Variants in SLC1A1 observed in about 807,000 individuals in gnomAD.
SLC1A1 encodes the protein solute carrier family 1 member 1.
A neutral mutation model predicts 53.3 loss-of-function variants in SLC1A1; 43 were observed. That is an observed-to-expected ratio of 0.81 (90% CI 0.63 to 1.04). The LOEUF (loss-of-function observed/expected upper bound fraction) is 1.04. SLC1A1 is among the 50% of genes least tolerant of loss of function. The pLI is 0.00. For synonymous variants in SLC1A1, 307 were observed against 243.2 expected, an observed-to-expected ratio of 1.26 and a Z score of -2.44; for missense variants, 748 against 664.9, an observed-to-expected ratio of 1.12 and a Z score of -1.37.
At chr9:4,520,265 G>C (rs187138272) in intron 1 of SLC1A1, among the ~76,000 whole-genome samples, 1 of 152,206 alleles carries the variant, frequency 6.6e-6, no homozygotes, top group African/African-American at 2.4e-5. Flanking sequence ...CACATCTTTG[G>C]CAATATTTGT....
chr9:4,585,352 T>C lies in SLC1A1; in HGVS notation c.1369T>C (p.Phe457Leu). The change falls in exon 12 of 12, where the codon TTT becomes CTT. Residue 457 changes from phenylalanine to leucine, a missense_variant. Coordinates refer to ENST00000262352, the MANE Select transcript of SLC1A1 (RefSeq NM_004170.6). ...RTMVNVLGDA[F>L]GTGIVEKLSK... Reference sequence around the variant, plus strand: ...CATGGTCAACGTCCTTGGTGATGCTTTTGGGACGGGCATTGTGGAAAAGCT... The same window carrying C: ...CATGGTCAACGTCCTTGGTGATGCTCTTGGGACGGGCATTGTGGAAAAGCT... 6.2e-7 allele frequency: 1 copy of C among 1,614,140 alleles called. No individual in the cohort carries two copies. The highest frequency in any genetic ancestry group is 8.5e-7 in the Non-Finnish European group (1 of 1,180,024).
At chr9:4,521,161 C>G (rs1417378707) in intron 1 of SLC1A1, among the ~76,000 whole-genome samples, 1 of 152,104 alleles carries the variant, frequency 6.6e-6, no homozygotes, top group Non-Finnish European at 1.5e-5. Context: ...TTTATGTATT[C>G]TAGACCCTTA....
At chr9:4,510,549 A>C (rs1456753468) in intron 1 of SLC1A1, among the ~76,000 whole-genome samples, 3 of 152,194 alleles carry the variant, frequency 2.0e-5, no homozygotes, top group Non-Finnish European at 4.4e-5. Flanking sequence ...ACAGGGGTTT[A>C]ATATCATCTG....
chr9:4,498,980 CTT>C (rs1349367336), intron 1 of SLC1A1, among the ~76,000 whole-genome samples: 2 of 132,656 alleles, frequency 1.5e-5, no homozygotes, highest in Non-Finnish European at 1.5e-5. Flanking sequence ...TATATATAAT[CTT>C]ATATATTATA....
Position 4,576,632 on chromosome 9 carries a change from C to G in SLC1A1, c.1062C>G (p.Ile354Met). Residue 354 changes from isoleucine to methionine, a missense_variant, in exon 10 of 12, where the codon ATC becomes ATG. Ile to Met is a conservative substitution (Grantham distance 10). Coordinates refer to ENST00000262352, the MANE Select transcript of SLC1A1 (RefSeq NM_004170.6). Reference sequence around the variant, plus strand: ...AAAATAACCAGGTGGACAAGAGGATCACTCGATTCGTGTTACCCGTTGGTG... The same window carrying G: ...AAAATAACCAGGTGGACAAGAGGATGACTCGATTCGTGTTACCCGTTGGTG... ...AEENNQVDKR[I>M]TRFVLPVGAT... is the part of the protein sequence containing the mutation. 6.2e-7 allele frequency: 1 copy of G among 1,614,136 alleles called. No individual in the cohort carries two copies. The highest frequency in any genetic ancestry group is 8.5e-7 in the Non-Finnish European group (1 of 1,179,974).
intron 2 of SLC1A1, among the ~76,000 whole-genome samples, chr9:4,557,582 T>A (rs1010155637): frequency 1.3e-5 from 2 of 151,162 alleles, no homozygotes; most frequent in Non-Finnish European, 2.9e-5. Flanking sequence ...GCTCAGGAGT[T>A]CAAGACCAGC....
intron 1 of SLC1A1, among the ~76,000 whole-genome samples, chr9:4,517,499 C>A (rs1056214852): frequency 4.6e-5 from 7 of 152,186 alleles, no homozygotes; most frequent in African/African-American, 1.7e-4. Context: ...CTCAAGACCA[C>A]GGGAGGCTTC....
At chr9:4,496,399 T>C (rs112120010) in intron 1 of SLC1A1, among the ~76,000 whole-genome samples, 1 of 152,062 alleles carries the variant, frequency 6.6e-6, no homozygotes, top group African/African-American at 2.4e-5. Flanking sequence ...TCTTTCTTTT[T>C]TTAAGAGACA....
chr9:4,584,757 C>A (rs1821434169), intron 11 of SLC1A1, among the ~76,000 whole-genome samples: 1 of 152,140 alleles, frequency 6.6e-6, no homozygotes, highest in South Asian at 2.1e-4. Flanking sequence ...CATTCCTGGG[C>A]TGACCTGTGT....
chr9:4,505,065 G>C (rs1346085377), intron 1 of SLC1A1, among the ~76,000 whole-genome samples: 2 of 20,526 alleles, frequency 9.7e-5, no homozygotes, highest in Non-Finnish European at 2.2e-4. Flanking sequence ...TTTTTTTTTT[G>C]AGATACAGCC....
intron 2 of SLC1A1, among the ~76,000 whole-genome samples, chr9:4,551,374 G>C (rs534637457): frequency 7.6e-4 from 115 of 152,120 alleles, no homozygotes; most frequent in Non-Finnish European, 1.5e-3. Flanking sequence ...CATGAAAACA[G>C]ACTAACAGAA....
intron 1 of SLC1A1, among the ~76,000 whole-genome samples, chr9:4,513,188 G>T (rs1821052714): frequency 6.6e-6 from 1 of 151,918 alleles, no homozygotes; most frequent in Non-Finnish European, 1.5e-5. Flanking sequence ...ATTCATAAAA[G>T]AAAAAAATTG....
chr9:4,550,576 C>T (rs895212515), intron 2 of SLC1A1, among the ~76,000 whole-genome samples: 3 of 152,006 alleles, frequency 2.0e-5, no homozygotes, highest in Admixed American at 6.6e-5. Context: ...ACTTTTGTCG[C>T]GATAGGGTCT....
rs1223758569 is a variant in SLC1A1, at chr9:4,576,655, G to A, written c.1085G>A (p.Gly362Asp). 2 of 1,613,984 alleles carry A rather than the reference G, an allele frequency of 1.2e-6. No homozygotes were observed. The highest frequency in any genetic ancestry group is 1.3e-5 in the African/African-American group (1 of 74,936). Residue 362 changes from glycine to aspartate, a missense_variant, in exon 10 of 12, where the codon GGT (glycine) becomes GAT (aspartate). Coordinates refer to ENST00000262352, the MANE Select transcript of SLC1A1 (RefSeq NM_004170.6). ...KRITRFVLPV[G>D]ATINMDGTAL... ...ATCACTCGATTCGTGTTACCCGTTG[G>A]TGCAACAATCAACATGGATGGGACT...
At position 4,535,498 on chromosome 9, in the gene SLC1A1, T is replaced by C. The variant is rs377576815; in HGVS notation, c.92-9069T>C. Among the ~76,000 whole-genome samples the C allele has an allele frequency of 2.0e-5, 3 of 152,102 alleles. 1 individual carries two copies. Among genetic ancestry groups the C allele is most frequent in the East Asian group, 3.9e-4 (2 of 5,152 alleles). On this transcript the variant is annotated intron_variant, in intron 1 of 11. Transcript: ENST00000262352. ...ATAAAATACCTAGAAATCCAACTTA[T>C]AAGGGATGTGAAGGACCTCTTCAAG...
intron 7 of SLC1A1, among the ~76,000 whole-genome samples, chr9:4,573,478 A>T (rs7858215): frequency 0.082 from 12,491 of 152,224 alleles, 1,712 homozygotes; most frequent in African/African-American, 0.28. Flanking sequence ...GATCACTTCC[A>T]GTACTAATAC....
At chr9:4,495,659 G>A (rs530851600) in intron 1 of SLC1A1, among the ~76,000 whole-genome samples, 1 of 152,140 alleles carries the variant, frequency 6.6e-6, no homozygotes, top group African/African-American at 2.4e-5. Context: ...GTAGAATGAG[G>A]GAGGGAAAGA....
intron 1 of SLC1A1, among the ~76,000 whole-genome samples, chr9:4,522,049 TTTTTC>T (rs141002056): frequency 0.21 from 10,293 of 49,538 alleles, 658 homozygotes; most frequent in Non-Finnish European, 0.25. Flanking sequence ...CCTCTTTTTT[TTTTTC>T]TTTTTTTTTT....
At chr9:4,496,690 T>G (rs1586685695) in intron 1 of SLC1A1, among the ~76,000 whole-genome samples, 1 of 150,628 alleles carries the variant, frequency 6.6e-6, no homozygotes. Context: ...AGGCTAGGAG[T>G]TCAAGACCAG....
Sources: allele counts gnomAD v4.1 joint callset (sites outside exome capture counted in the v4.1 genomes callset), GRCh38; gene constraint gnomAD v4.1.1; transcripts MANE v1.5; gene names NCBI Gene and HGNC (gene_info 2026-07-23, HGNC 2026-07-21).